Variants in MTF2 observed in about 807,000 individuals in gnomAD.
The protein encoded by MTF2 is metal response element binding transcription factor 2.
A neutral mutation model predicts 79.5 loss-of-function variants in MTF2; 11 were observed. The observed-to-expected ratio is 0.14, with a 90% CI of 0.09 to 0.23. MTF2 has a LOEUF of 0.23. MTF2 is among the 10% of genes least tolerant of loss of function. The pLI is 1.00. For synonymous variants in MTF2, 208 were observed against 232.8 expected, an observed-to-expected ratio of 0.89 and a Z score of 0.97; for missense variants, 486 against 711.2, an observed-to-expected ratio of 0.68 and a Z score of 3.60.
At chr1:93,087,307 C>A (rs1420034421) in intron 1 of MTF2, among the ~76,000 whole-genome samples, 3 of 152,164 alleles carry the variant, frequency 2.0e-5, no homozygotes, top group Non-Finnish European at 4.4e-5. Context: ...TGTGGTGGCT[C>A]ACGCCTGTAA....
chr1:93,125,402 G>T (rs558894231), intron 9 of MTF2, among the ~76,000 whole-genome samples: 1 of 151,100 alleles, frequency 6.6e-6, no homozygotes, highest in Middle Eastern at 3.4e-3. Context: ...AATGTGAACT[G>T]GTTAAAATGA....
At position 93,091,018 on chromosome 1, in the gene MTF2, ATGTTC is replaced by A. The variant is rs753086034; in HGVS notation, c.5+11488_5+11492del. The stretch of plus-strand genomic sequence containing the variant: ...TTTTGTAACCTTGTAGCTTGTATGA[ATGTTC>A]AAACATTTTTTTGCCCCTAAAACTT... On this transcript the variant is annotated intron_variant, in intron 1 of 14. Transcript: ENST00000370298. Among the ~76,000 whole-genome samples, 738 of 152,232 alleles carry A rather than the reference ATGTTC, an allele frequency of 4.8e-3. 3 individuals carry two copies. Among genetic ancestry groups the A allele is most frequent in the South Asian group, 8.5e-3 (41 of 4,824 alleles).
At chr1:93,124,298 A>T (rs1656607091) in intron 9 of MTF2, among the ~76,000 whole-genome samples, 1 of 152,038 alleles carries the variant, frequency 6.6e-6, no homozygotes, top group Admixed American at 6.5e-5. Flanking sequence ...AACCATGATA[A>T]ACTTTCTTAA....
chr1:93,131,016 A>G (rs1454903701), intron 11 of MTF2, among the ~76,000 whole-genome samples: 1 of 152,076 alleles, frequency 6.6e-6, no homozygotes, highest in East Asian at 1.9e-4. Context: ...TTGGATGTGT[A>G]ATTCAGGAGC....
At chr1:93,119,297 C>T in intron 7 of MTF2, 36 bp from the exon 8 acceptor site, 1 of 1,386,836 alleles carries the variant, frequency 7.2e-7, no homozygotes, top group Non-Finnish European at 9.9e-7. Flanking sequence ...TCTGATGACT[C>T]AGTATAAAAC....
chr1:93,120,948 T>C, intron 9 of MTF2: 1 of 1,117,918 alleles, frequency 8.9e-7, no homozygotes, highest in South Asian at 2.4e-5. Context: ...TAGTTAAAGA[T>C]AGAAGGGAGG....
Position 93,115,108 on chromosome 1 carries a change from G to T in MTF2, c.483+20G>T, listed in dbSNP as rs1328661870. 2 of 1,522,398 alleles carry T rather than the reference G, an allele frequency of 1.3e-6. No individual in the cohort carries two copies. Among genetic ancestry groups the T allele is most frequent in the Non-Finnish European group, 1.8e-6 (2 of 1,101,270 alleles). 94.3% of individuals were successfully genotyped at this position (1,522,398 alleles called of 1,614,324 possible). ...ACAAAGGTATATTTTAAGTGTTTTG[G>T]GCTAAAGCTCTGATGGAATTTGTAA... On this transcript the variant is annotated intron_variant, in intron 5 of 14. Transcript: ENST00000370298.
At chr1:93,114,900 G>T (rs1330943656) in intron 4 of MTF2, 88 bp from the exon 5 acceptor site, 7 of 1,217,468 alleles carry the variant, frequency 5.7e-6, no homozygotes, top group Non-Finnish European at 8.1e-6. Context: ...TTATATTAAT[G>T]TAGGAAATAA....
intron 1 of MTF2, among the ~76,000 whole-genome samples, chr1:93,080,514 A>T (rs1199683101): frequency 6.6e-6 from 1 of 152,254 alleles, no homozygotes; most frequent in African/African-American, 2.4e-5. Flanking sequence ...TTGGTTAAAG[A>T]TAGAAACCAT....
intron 3 of MTF2, among the ~76,000 whole-genome samples, chr1:93,114,105 A>G (rs555723813): frequency 5.5e-4 from 84 of 152,058 alleles, no homozygotes; most frequent in African/African-American, 2.0e-3. Flanking sequence ...TGTTGAAATG[A>G]TATTTTGTTA....
At chr1:93,082,780 G>A (rs967874286) in intron 1 of MTF2, among the ~76,000 whole-genome samples, 2 of 152,022 alleles carry the variant, frequency 1.3e-5, no homozygotes, top group Non-Finnish European at 2.9e-5. Flanking sequence ...ACAAAGTTGT[G>A]CAGCCATCAC....
intron 10 of MTF2, among the ~76,000 whole-genome samples, chr1:93,127,899 AT>A (rs1175364069): frequency 6.6e-6 from 1 of 152,014 alleles, no homozygotes; most frequent in African/African-American, 2.4e-5. Context: ...TCTTAGAAAC[AT>A]TTTTAAATGC....
intron 9 of MTF2, chr1:93,121,545 CATATCAAATAGG>C: frequency 1.0e-6 from 1 of 982,108 alleles, no homozygotes; most frequent in South Asian, 4.7e-5. Flanking sequence ...CATCCTATTT[CATATCAAATAGG>C]ATATCAAAGG....
In MTF2 at chr1:93,138,977, A is replaced by C. The variant is rs1215391333; in HGVS notation, c.*1950A>C. ...TTGTGAATGTCTGTTTTATTTTCTC[A>C]TGGTGGTTCACATGGCTCTGATGTT... On this transcript the variant is annotated 3_prime_UTR_variant, in exon 15 of 15. Coordinates refer to ENST00000370298, the MANE Select transcript of MTF2 (RefSeq NM_007358.4). The C allele has an allele frequency of 6.6e-6, 1 of 152,174 alleles. No homozygotes were observed. Among genetic ancestry groups the C allele is most frequent in the East Asian group, 1.9e-4 (1 of 5,202 alleles). 9.4% of individuals were successfully genotyped at this position (152,174 alleles called of 1,614,324 possible).
chr1:93,137,194 A>T lies in MTF2; in HGVS notation c.*167A>T, dbSNP rs1647438319. ...TAACATGTACCTGTCAATGTTATGGATATTGTCATAAAAAGGTATCTTTTA... is the reference window on the plus strand; with the variant it reads ...TAACATGTACCTGTCAATGTTATGGTTATTGTCATAAAAAGGTATCTTTTA... On this transcript the variant is annotated 3_prime_UTR_variant, in exon 15 of 15. Coordinates refer to ENST00000370298, the MANE Select transcript of MTF2 (RefSeq NM_007358.4). The T allele has an allele frequency of 2.0e-6, 1 of 504,800 alleles. No homozygotes were observed. Among genetic ancestry groups the T allele is most frequent in the Non-Finnish European group, 3.4e-6 (1 of 290,332 alleles). The allele number at this position is 504,800 out of a possible 1,614,324, so 31.3% of individuals were successfully genotyped here.
chr1:93,122,482 GA>G (rs1283982173), intron 9 of MTF2, among the ~76,000 whole-genome samples: 1 of 152,194 alleles, frequency 6.6e-6, no homozygotes, highest in East Asian at 1.9e-4. Flanking sequence ...TATTTTTCAA[GA>G]AAAGAGTTCA....
At chr1:93,100,291 ATGTTTGTTTGTT>A (rs111329307) in intron 1 of MTF2, among the ~76,000 whole-genome samples, 6 of 151,188 alleles carry the variant, frequency 4.0e-5, no homozygotes, top group South Asian at 2.1e-4. Flanking sequence ...ATGTGGCATT[ATGTTTGTTTGTT>A]TGTTTGTTTG....
intron 11 of MTF2, among the ~76,000 whole-genome samples, chr1:93,130,663 T>A (rs936110010): frequency 1.3e-5 from 2 of 151,992 alleles, no homozygotes; most frequent in Non-Finnish European, 2.9e-5. Context: ...TAACACTCAA[T>A]TGTCTAGGTG....
chr1:93,129,506 A>G (rs550621019), intron 11 of MTF2, 58 bp downstream of exon 11: 125 of 1,265,698 alleles, frequency 9.9e-5, no homozygotes, highest in Non-Finnish European at 1.3e-4. Flanking sequence ...CTAAAAATGT[A>G]TGTTATTTAG....
Sources: gnomAD v4.1 joint callset for allele counts (sites outside exome capture counted in the v4.1 genomes callset) on GRCh38, gnomAD v4.1.1 for gene constraint, MANE v1.5 for transcripts, NCBI Gene and HGNC (gene_info 2026-07-23, HGNC 2026-07-21) for gene names.